FAM91A1: variants seen among roughly 807,000 people sequenced by gnomAD.
FAM91A1 encodes protein FAM91A1.
A neutral mutation model predicts 113.5 loss-of-function variants in FAM91A1; 41 were observed. The ratio of observed to expected loss-of-function variants is 0.36; its 90% CI spans 0.28 to 0.47. The LOEUF (loss-of-function observed/expected upper bound fraction) is 0.47. FAM91A1 is among the 20% of genes least tolerant of loss of function. FAM91A1 has a pLI of 1.00. For missense variants in FAM91A1, 696 were observed against 1,001.2 expected, an observed-to-expected ratio of 0.70 and a Z score of 4.11; for synonymous variants, 307 against 347.9, an observed-to-expected ratio of 0.88 and a Z score of 1.31.
intron 22 of FAM91A1, among the ~76,000 whole-genome samples, chr8:123,809,593 G>A (rs1462454108): frequency 3.3e-5 from 5 of 152,228 alleles, no homozygotes; most frequent in African/African-American, 7.2e-5. Context: ...GGGTTAGCAG[G>A]AAAGAGTATA....
chr8:123,783,513 A>C (rs1270458783), intron 8 of FAM91A1, among the ~76,000 whole-genome samples: 1 of 152,320 alleles, frequency 6.6e-6, no homozygotes, highest in Non-Finnish European at 1.5e-5. Flanking sequence ...ATGTATGTAC[A>C]TTGTAGTTTT....
chr8:123,780,307 G>T (rs1437387950), intron 7 of FAM91A1, among the ~76,000 whole-genome samples, 173 bp from the exon 8 acceptor site: 3 of 152,124 alleles, frequency 2.0e-5, no homozygotes, highest in African/African-American at 4.8e-5. Flanking sequence ...CAGAGTATAT[G>T]CAGGAAACCG....
intron 4 of FAM91A1, 49 bp from the exon 5 acceptor site, chr8:123,777,976 G>T (rs1815028357): frequency 1.3e-6 from 2 of 1,498,324 alleles, no homozygotes; most frequent in Non-Finnish European, 1.9e-6. Context: ...AACATATTGA[G>T]ATTTCAAGAT....
chr8:123,783,716 G>A (rs968625778), intron 8 of FAM91A1, among the ~76,000 whole-genome samples: 3 of 152,228 alleles, frequency 2.0e-5, no homozygotes, highest in African/African-American at 7.2e-5. Context: ...AATGGCAAAG[G>A]AAAGCATAGA....
intron 15 of FAM91A1, among the ~76,000 whole-genome samples, chr8:123,797,394 T>G (rs1164496437): frequency 6.6e-6 from 1 of 152,086 alleles, no homozygotes; most frequent in African/African-American, 2.4e-5. Flanking sequence ...GTGTGTAAAG[T>G]TACACCCATC....
At chr8:123,801,851 G>A (rs994892481) in intron 18 of FAM91A1, among the ~76,000 whole-genome samples, 1 of 151,626 alleles carries the variant, frequency 6.6e-6, no homozygotes, top group African/African-American at 2.4e-5. Flanking sequence ...TGCCCAGCAC[G>A]GTGCTTGGGT....
At chr8:123,786,106 A>G in intron 11 of FAM91A1, 1 of 273,584 alleles carries the variant, frequency 3.7e-6, no homozygotes, top group Admixed American at 4.8e-5. Flanking sequence ...GGTGTGAGCC[A>G]CTGCACCTGG....
Position 123,768,573 on chromosome 8 carries a change from G to T in FAM91A1, c.-130G>T, listed in dbSNP as rs758956866. ...TGTCGGGAGCCTAGGCCATGGGGCAGCCTGGGCCTTCTGCAGTGTGAGGCG... is the reference window on the plus strand; with the variant it reads ...TGTCGGGAGCCTAGGCCATGGGGCATCCTGGGCCTTCTGCAGTGTGAGGCG... On this transcript the variant is annotated 5_prime_UTR_variant, in exon 1 of 24. Coordinates refer to ENST00000334705, the MANE Select transcript of FAM91A1 (RefSeq NM_144963.4). 12 of 753,534 alleles carry T rather than the reference G, an allele frequency of 1.6e-5. No individual in the cohort carries two copies. The highest frequency in any genetic ancestry group is 5.7e-5 in the African/African-American group (3 of 52,906). 46.7% of individuals were successfully genotyped at this position (753,534 alleles called of 1,614,324 possible).
rs1816008413 is a variant in FAM91A1, at chr8:123,813,590, C to T, written c.*886C>T. 1 of 152,270 alleles carries T rather than the reference C, an allele frequency of 6.6e-6. No individual in the cohort carries two copies. The highest frequency in any genetic ancestry group is 1.5e-5 in the Non-Finnish European group (1 of 67,984). The allele number at this position is 152,270 out of a possible 1,614,324, so 9.4% of individuals were successfully genotyped here. ...CATATTAGAAGCATTAAGACTATGT[C>T]TTTGGATCAGAATGCTTTAGTGATA... On this transcript the variant is annotated 3_prime_UTR_variant, in exon 24 of 24. Coordinates refer to ENST00000334705, the MANE Select transcript of FAM91A1 (RefSeq NM_144963.4).
chr8:123,772,055 G>A (rs914077372), intron 1 of FAM91A1, among the ~76,000 whole-genome samples: 1 of 152,186 alleles, frequency 6.6e-6, no homozygotes, highest in African/African-American at 2.4e-5. Context: ...TGGGGTAGGA[G>A]TAGGAGGGGA....
At position 123,814,630 on chromosome 8, in the gene FAM91A1, G is replaced by T. The variant is rs192358122; in HGVS notation, c.*1926G>T. The T allele has an allele frequency of 3.3e-5, 5 of 152,920 alleles. No homozygotes were observed. The Admixed American group carries it at 3.3e-4, about 10-fold the overall frequency. 9.5% of individuals were successfully genotyped at this position (152,920 alleles called of 1,614,324 possible). On this transcript the variant is annotated 3_prime_UTR_variant, in exon 24 of 24. Transcript: ENST00000334705. Reference sequence around the variant, plus strand: ...TAGGGAAAGTACCGAAGAACCATGGGGTCCCCTCTGGTTTCTTGTGTTGAA... The same window carrying T: ...TAGGGAAAGTACCGAAGAACCATGGTGTCCCCTCTGGTTTCTTGTGTTGAA...
intron 15 of FAM91A1, among the ~76,000 whole-genome samples, chr8:123,796,846 G>A (rs1235162665): frequency 2.0e-5 from 3 of 150,778 alleles, no homozygotes; most frequent in South Asian, 2.1e-4. Context: ...GGCAGATAAC[G>A]AGGTCAGGAG....
chr8:123,800,912 T>C (rs1040285968), intron 18 of FAM91A1, among the ~76,000 whole-genome samples: 18 of 152,232 alleles, frequency 1.2e-4, no homozygotes, highest in African/African-American at 4.3e-4. Context: ...ACATTTTGTT[T>C]ATTCCTCCAT....
At chr8:123,769,569 C>T (rs896806254) in intron 1 of FAM91A1, among the ~76,000 whole-genome samples, 2 of 152,106 alleles carry the variant, frequency 1.3e-5, no homozygotes, top group African/African-American at 4.8e-5. Flanking sequence ...AGTTAATTCT[C>T]GATTTTTTTA....
chr8:123,803,441 G>T (rs1290675799), intron 18 of FAM91A1, among the ~76,000 whole-genome samples: 1 of 152,190 alleles, frequency 6.6e-6, no homozygotes, highest in East Asian at 1.9e-4. Context: ...CTCCAGAGTA[G>T]CTGGGACTAC....
At chr8:123,789,980 C>T (rs1235591448) in intron 15 of FAM91A1, among the ~76,000 whole-genome samples, 1 of 152,066 alleles carries the variant, frequency 6.6e-6, no homozygotes, top group African/African-American at 2.4e-5. Context: ...TGTTCAATAC[C>T]TGCAAAAGTG....
At chr8:123,776,306 A>G (rs1258267736) in intron 3 of FAM91A1, among the ~76,000 whole-genome samples, 1 of 152,228 alleles carries the variant, frequency 6.6e-6, no homozygotes, top group African/African-American at 2.4e-5. Context: ...CTTGAAGAGC[A>G]GAGAGGAGCC....
At chr8:123,776,491 C>T (rs573182026) in intron 3 of FAM91A1, among the ~76,000 whole-genome samples, 1 of 152,180 alleles carries the variant, frequency 6.6e-6, no homozygotes, top group Admixed American at 6.5e-5. Flanking sequence ...AAGCGAGAGG[C>T]CCGATAGCCC....
Position 123,784,473 on chromosome 8 carries a change from C to A in FAM91A1, c.707C>A (p.Pro236Gln). The A allele has an allele frequency of 6.3e-7, 1 of 1,595,646 alleles. No homozygotes were observed. Among genetic ancestry groups the A allele is most frequent in the South Asian group, 1.2e-5 (1 of 86,254 alleles). ...AAATCTCTTCTGTTTGTTTTAGTTCCACCTCTTGAAGGTTTTGTAATGAAT... is the reference window on the plus strand; with the variant it reads ...AAATCTCTTCTGTTTGTTTTAGTTCAACCTCTTGAAGGTTTTGTAATGAAT... ...PISDDSCIAV[P>Q]PLEGFVMNRV... Residue 236 changes from proline (P) to glutamine (Q), a missense_variant, in exon 9 of 24, where the codon CCA becomes CAA. Pro to Gln is a moderately conservative substitution (Grantham distance 76). Coordinates refer to ENST00000334705, the MANE Select transcript of FAM91A1 (RefSeq NM_144963.4).
Sources: gnomAD v4.1 joint callset for allele counts (sites outside exome capture counted in the v4.1 genomes callset) on GRCh38, gnomAD v4.1.1 for gene constraint, MANE v1.5 for transcripts, NCBI Gene and HGNC (gene_info 2026-07-23, HGNC 2026-07-21) for gene names.